Variants in RALB observed in about 807,000 individuals in gnomAD.
RALB encodes the protein RAS like proto-oncogene B.
Under a neutral mutation model 21.3 loss-of-function variants are expected in RALB, and 16 were observed. The observed-to-expected ratio is 0.75, with a 90% CI of 0.51 to 1.14. RALB has a LOEUF of 1.14. RALB is among the 50% of genes most tolerant of loss of function. RALB has a pLI of 0.00. For missense variants in RALB, 161 were observed against 256.2 expected, an observed-to-expected ratio of 0.63 and a Z score of 2.54; for synonymous variants, 93 against 96.1, an observed-to-expected ratio of 0.97 and a Z score of 0.19.
intron 1 of RALB, among the ~76,000 whole-genome samples, chr2:120,259,344 G>A (rs564455527): frequency 6.6e-5 from 10 of 152,264 alleles, no homozygotes; most frequent in Admixed American, 2.6e-4. Context: ...CAATCCCTGA[G>A]CTAGATACAA....
chr2:120,253,498 C>T (rs1689114598), intron 1 of RALB: 4 of 985,664 alleles, frequency 4.1e-6, no homozygotes, highest in South Asian at 4.7e-5. Context: ...TCTCCCCCAG[C>T]CTCCTCCCCT....
chr2:120,253,077 G>C, intron 1 of RALB, 97 bp downstream of exon 1: 3 of 828,222 alleles, frequency 3.6e-6, no homozygotes, highest in Non-Finnish European at 4.4e-6. Flanking sequence ...CCTCCGTGCC[G>C]GGCTGTGGCC....
intron 2 of RALB, among the ~76,000 whole-genome samples, chr2:120,279,091 A>G (rs549494476): frequency 1.3e-5 from 2 of 152,318 alleles, no homozygotes; most frequent in African/African-American, 4.8e-5. Context: ...AGATTTTCCA[A>G]ACAACACAAG....
chr2:120,262,727 C>T lies in RALB; in HGVS notation c.-48+9747C>T, dbSNP rs138216384. On this transcript the variant is annotated intron_variant, in intron 1 of 4. Coordinates refer to ENST00000272519, the MANE Select transcript of RALB (RefSeq NM_002881.3). ...AAGACTGTTTCTGTTAGAGCCGTTT[C>T]GGGAGTTGCTGGGGAGATTTAGGAC... Among the ~76,000 whole-genome samples, 353 of 152,236 alleles carry T rather than the reference C, an allele frequency of 2.3e-3. 1 individual carries two copies. Among genetic ancestry groups the T allele is most frequent in the African/African-American group, 7.4e-3 (306 of 41,538 alleles).
intron 3 of RALB, among the ~76,000 whole-genome samples, chr2:120,288,342 G>GTTTTTTTGTTTT (rs1690218386): frequency 2.6e-5 from 3 of 117,092 alleles, no homozygotes; most frequent in East Asian, 2.3e-4. Context: ...GAAAATTTTA[G>GTTTTTTTGTTTT]TTTTTTTTTT....
intron 1 of RALB, among the ~76,000 whole-genome samples, chr2:120,265,621 C>G (rs1373617156): frequency 2.0e-5 from 3 of 152,228 alleles, no homozygotes; most frequent in African/African-American, 4.8e-5. Flanking sequence ...TTCCCCACCC[C>G]ACTCTAATCC....
intron 1 of RALB, among the ~76,000 whole-genome samples, chr2:120,261,973 A>G (rs969736985): frequency 5.3e-5 from 8 of 152,132 alleles, no homozygotes; most frequent in Non-Finnish European, 1.2e-4. Context: ...AGAAGGAAAG[A>G]AAGGGTTTTC....
At chr2:120,257,942 A>G (rs961957316) in intron 1 of RALB, among the ~76,000 whole-genome samples, 7 of 152,226 alleles carry the variant, frequency 4.6e-5, no homozygotes, top group African/African-American at 1.2e-4. Context: ...GTGTTCATGT[A>G]GTAAACACTG....
chr2:120,270,466 G>A (rs1462163131), intron 1 of RALB, among the ~76,000 whole-genome samples: 2 of 152,194 alleles, frequency 1.3e-5, no homozygotes, highest in Admixed American at 6.5e-5. Flanking sequence ...GATTGTGTTC[G>A]AGTGAGCTGA....
At chr2:120,261,386 G>C (rs913151673) in intron 1 of RALB, among the ~76,000 whole-genome samples, 3 of 152,142 alleles carry the variant, frequency 2.0e-5, no homozygotes, top group Non-Finnish European at 4.4e-5. Context: ...GAGAAGAAGG[G>C]CGTGGAAGGT....
chr2:120,289,048 G>C lies in RALB; in HGVS notation c.324-532G>C, dbSNP rs150127591. 5.6e-4 allele frequency among the ~76,000 whole-genome samples: 85 copies of C among 152,188 alleles called. 2 individuals carry two copies. The East Asian group carries it at 0.013, about 23-fold the overall frequency. On this transcript the variant is annotated intron_variant, in intron 3 of 4. Coordinates refer to ENST00000272519, the MANE Select transcript of RALB (RefSeq NM_002881.3). ...TGTTCTATAATCTATTTCACTGCAGGGGGGAGAAACTGCTGGTTGCGACCC... is the reference window on the plus strand; with the variant it reads ...TGTTCTATAATCTATTTCACTGCAGCGGGGAGAAACTGCTGGTTGCGACCC...
intron 1 of RALB, among the ~76,000 whole-genome samples, chr2:120,257,187 T>G (rs1689221061): frequency 6.6e-6 from 1 of 152,246 alleles, no homozygotes; most frequent in African/African-American, 2.4e-5. Flanking sequence ...GGCTTAAAAT[T>G]AGTCATTCAT....
At chr2:120,287,278 G>A (rs1167611036) in intron 3 of RALB, among the ~76,000 whole-genome samples, 2 of 152,172 alleles carry the variant, frequency 1.3e-5, no homozygotes, top group African/African-American at 4.8e-5. Context: ...TAATAGGGAG[G>A]TGCCTCAGTG....
intron 1 of RALB, chr2:120,253,281 C>G (rs966347965): frequency 1.6e-6 from 1 of 624,654 alleles, no homozygotes; most frequent in Non-Finnish European, 2.0e-6. Context: ...GGCTCTGCTT[C>G]CACTTCCTGC....
At chr2:120,269,863 A>G (rs1219392012) in intron 1 of RALB, among the ~76,000 whole-genome samples, 1 of 152,232 alleles carries the variant, frequency 6.6e-6, no homozygotes, top group Non-Finnish European at 1.5e-5. Context: ...TTACATTCAT[A>G]TAATTCTTTT....
chr2:120,288,347 TTTTTTTG>T (rs1270256114), intron 3 of RALB, among the ~76,000 whole-genome samples: 7 of 140,980 alleles, frequency 5.0e-5, no homozygotes, highest in South Asian at 2.3e-4. Flanking sequence ...TTTTAGTTTT[TTTTTTTG>T]TTTTTTTTTT....
chr2:120,269,281 A>G (rs1558950632), intron 1 of RALB, among the ~76,000 whole-genome samples: 1 of 152,190 alleles, frequency 6.6e-6, no homozygotes, highest in Admixed American at 6.5e-5. Flanking sequence ...ACTGACTTCA[A>G]GAATGAAGCC....
Position 120,289,738 on chromosome 2 carries a change from C to T in RALB, c.482C>T (p.Thr161Ile), listed in dbSNP as rs769957680. 16 of 1,608,884 alleles carry T rather than the reference C, an allele frequency of 9.9e-6. No homozygotes were observed. Among genetic ancestry groups the T allele is most frequent in the Non-Finnish European group, 1.4e-5 (16 of 1,177,470 alleles). ...GVQYVETSAK[T>I]RANVDKVFFD... Reference sequence around the variant, plus strand: ...CAGTACGTGGAGACGTCAGCGAAGACCCGGGCCAACGTGGACAAGGTAGGC... The same window carrying T: ...CAGTACGTGGAGACGTCAGCGAAGATCCGGGCCAACGTGGACAAGGTAGGC... The change falls in exon 4 of 5, where the codon ACC becomes ATC. Residue 161 changes from threonine (T) to isoleucine (I), a missense_variant. Transcript: ENST00000272519.
intron 1 of RALB, among the ~76,000 whole-genome samples, chr2:120,268,657 G>A (rs574366633): frequency 6.6e-6 from 1 of 152,194 alleles, no homozygotes; most frequent in Non-Finnish European, 1.5e-5. Context: ...CTAGGTGACA[G>A]AGCAAGAACC....
Sources: gnomAD v4.1 joint callset for allele counts (sites outside exome capture counted in the v4.1 genomes callset) on GRCh38, gnomAD v4.1.1 for gene constraint, MANE v1.5 for transcripts, NCBI Gene and HGNC (gene_info 2026-07-23, HGNC 2026-07-21) for gene names.